Variants in ADGRD1 observed in about 807,000 individuals in gnomAD.
ADGRD1 encodes adhesion G protein-coupled receptor D1.
Under a neutral mutation model 113.4 loss-of-function variants are expected in ADGRD1, and 77 were observed. That is an observed-to-expected ratio of 0.68 (90% CI 0.57 to 0.82). ADGRD1 has a LOEUF of 0.82. Among genes scored for constraint, ADGRD1 ranks in the 40% least tolerant of loss-of-function variants. The pLI is 0.00. For missense variants in ADGRD1, 1,036 were observed against 1,139.1 expected (o/e 0.91, Z 1.30); for synonymous variants, 474 against 475.0 (o/e 1.00, Z 0.03).
At chr12:131,059,442 A>G (rs997261695) in intron 13 of ADGRD1, among the ~76,000 whole-genome samples, 6 of 152,222 alleles carry the variant, frequency 3.9e-5, no homozygotes, top group Admixed American at 2.6e-4. Flanking sequence ...CGGCCTCCCA[A>G]ATTGCTGGGA....
chr12:131,045,196 C>T (rs921681336), intron 13 of ADGRD1, among the ~76,000 whole-genome samples: 7 of 152,358 alleles, frequency 4.6e-5, no homozygotes, highest in East Asian at 3.9e-4. Context: ...GCCTGGCCCT[C>T]GTCCCCCAGT....
At chr12:131,122,851 G>A (rs919560889) in intron 20 of ADGRD1, among the ~76,000 whole-genome samples, 5 of 152,078 alleles carry the variant, frequency 3.3e-5, no homozygotes, top group African/African-American at 9.7e-5. Context: ...CCCACACGGC[G>A]TGGGGCCGAG....
intron 13 of ADGRD1, among the ~76,000 whole-genome samples, chr12:131,043,660 G>A (rs1190616748): frequency 3.9e-5 from 6 of 152,230 alleles, no homozygotes; most frequent in Admixed American, 2.0e-4. Flanking sequence ...CTCGGGTCCC[G>A]GGATGGAGGG....
chr12:130,963,744 A>C (rs1240864660), intron 2 of ADGRD1, among the ~76,000 whole-genome samples: 1 of 151,794 alleles, frequency 6.6e-6, no homozygotes, highest in African/African-American at 2.4e-5. Context: ...AAAATTCTAC[A>C]ACAAACAAGC....
chr12:131,045,933 T>TCCCG lies in ADGRD1; in HGVS notation c.1474-30864_1474-30861dup, dbSNP rs1159997460. Among the ~76,000 whole-genome samples, 4 of 151,774 alleles carry TCCCG rather than the reference T, an allele frequency of 2.6e-5. No individual in the cohort carries two copies. In the South Asian group the frequency reaches 6.2e-4, roughly 24 times the overall value. On this transcript the variant is annotated intron_variant, in intron 13 of 24. Transcript: ENST00000261654. ...TTGTCCATATCCTTCCTGGTGGTGC[T>TCCCG]CCCGCCCTGGTTGGTGCTCCCTCCC...
intron 22 of ADGRD1, 105 bp from the exon 23 acceptor site, chr12:131,136,868 G>C (rs1181675138): frequency 2.2e-6 from 2 of 908,206 alleles, no homozygotes; most frequent in Non-Finnish European, 3.7e-6. Flanking sequence ...TGGTGTCACA[G>C]TGTGCGGTGC....
chr12:131,010,642 C>T (rs1877753102), intron 12 of ADGRD1, among the ~76,000 whole-genome samples: 1 of 152,200 alleles, frequency 6.6e-6, no homozygotes, highest in South Asian at 2.1e-4. Context: ...CTCAGATGTG[C>T]TGCGTGGGGT....
intron 22 of ADGRD1, among the ~76,000 whole-genome samples, chr12:131,136,476 C>T (rs924418953): frequency 1.8e-4 from 28 of 152,196 alleles, no homozygotes; most frequent in Admixed American, 7.8e-4. Context: ...GTGGCCAGGG[C>T]GGTCCCCCAG....
chr12:131,134,228 G>A lies in ADGRD1; in HGVS notation c.2268-1809G>A, dbSNP rs1233410906. On this transcript the variant is annotated intron_variant, in intron 21 of 24. Transcript: ENST00000261654. ...GGAGACTCAGGGCCTGAGCCCCCTA[G>A]GCCAGGGCCAACCTTGGGGGAGCAG... 2.0e-5 allele frequency among the ~76,000 whole-genome samples: 3 copies of A among 152,220 alleles called. No homozygotes were observed. The South Asian group carries it at 6.2e-4, about 32-fold the overall frequency.
At position 131,014,332 on chromosome 12, in the gene ADGRD1, C is replaced by G. The variant is rs1014643492; in HGVS notation, c.1465C>G (p.His489Asp). Residue 489 changes from histidine to aspartate, a missense_variant, in exon 13 of 25, where the codon CAC becomes GAC. Coordinates refer to ENST00000261654, the MANE Select transcript of ADGRD1 (RefSeq NM_198827.5). ...GSPLITVHLKHRLTRKQHSEA... is the reference protein window; with the variant it reads ...GSPLITVHLKDRLTRKQHSEA... Reference sequence around the variant, plus strand: ...TCCACTCATTACGGTCCACCTCAAGCACAGATTGGTGAGTGGCGGTGCCTT... The same window carrying G: ...TCCACTCATTACGGTCCACCTCAAGGACAGATTGGTGAGTGGCGGTGCCTT... The G allele has an allele frequency of 6.2e-7, 1 of 1,612,808 alleles. No homozygotes were observed. Among genetic ancestry groups the G allele is most frequent in the Non-Finnish European group, 8.5e-7 (1 of 1,179,284 alleles).
intron 4 of ADGRD1, among the ~76,000 whole-genome samples, chr12:130,972,467 A>C (rs1281288388): frequency 6.6e-6 from 1 of 152,170 alleles, no homozygotes; most frequent in Non-Finnish European, 1.5e-5. Flanking sequence ...AGGCAAAAAC[A>C]TGTGGGAGGA....
chr12:131,023,890 C>A (rs1489280436), intron 13 of ADGRD1: 1 of 152,162 alleles, frequency 6.6e-6, no homozygotes, highest in Non-Finnish European at 1.5e-5. Context: ...TGTTGAGGGG[C>A]AATGAAGTGA....
chr12:131,087,139 C>T (rs1886523180), intron 15 of ADGRD1, among the ~76,000 whole-genome samples: 1 of 152,204 alleles, frequency 6.6e-6, no homozygotes, highest in Non-Finnish European at 1.5e-5. Context: ...CTCCTGGCTT[C>T]AAGCAATCCT....
In ADGRD1 at chr12:131,135,342, G is replaced by A. The variant is rs77572669; in HGVS notation, c.2268-695G>A. ...CTCTCCTGTGTCAAGAGGGCCCATG[G>A]GCTCTAGGGAGATAAAAACGCATGC... On this transcript the variant is annotated intron_variant, in intron 21 of 24. Coordinates refer to ENST00000261654, the MANE Select transcript of ADGRD1 (RefSeq NM_198827.5). 5.3e-3 allele frequency among the ~76,000 whole-genome samples: 803 copies of A among 152,320 alleles called. 5 individuals are homozygous for A. The highest frequency in any genetic ancestry group is 0.019 in the African/African-American group (769 of 41,560).
intron 15 of ADGRD1, among the ~76,000 whole-genome samples, chr12:131,104,601 T>A (rs761725716): frequency 1.3e-5 from 2 of 151,936 alleles, no homozygotes; most frequent in African/African-American, 2.4e-5. Context: ...AGCCTCAGTG[T>A]TCTGTAGGGC....
At chr12:131,137,464 G>C (rs1001148462) in intron 23 of ADGRD1, among the ~76,000 whole-genome samples, 4 of 152,238 alleles carry the variant, frequency 2.6e-5, no homozygotes, top group South Asian at 2.1e-4. Flanking sequence ...GTACTTGGCT[G>C]GGGGGAGGTA....
In ADGRD1 at chr12:131,120,859, G is replaced by C; in HGVS notation, c.2121G>C (p.Ser707=). 3 of 1,614,240 alleles carry C rather than the reference G, an allele frequency of 1.9e-6. No homozygotes were observed. Among genetic ancestry groups the C allele is most frequent in the Non-Finnish European group, 2.5e-6 (3 of 1,180,038 alleles). The change falls in exon 20 of 25, where the codon TCG becomes TCC. Residue 707 remains serine, a synonymous_variant. Coordinates refer to ENST00000261654, the MANE Select transcript of ADGRD1 (RefSeq NM_198827.5). ...CTTCCCTCCGCAGTTGCTGGCTGTCGTTGGCGAGTGGCGCCATCTGGGCCT... is the reference window on the plus strand; with the variant it reads ...CTTCCCTCCGCAGTTGCTGGCTGTCCTTGGCGAGTGGCGCCATCTGGGCCT... ...SYGTSNNCWL[S]LASGAIWAFV...
At chr12:130,969,299 C>T in intron 3 of ADGRD1, 2 of 495,650 alleles carry the variant, frequency 4.0e-6, no homozygotes, top group South Asian at 4.6e-5. Flanking sequence ...CCCTGGGCCA[C>T]AGACTGGCAG....
intron 6 of ADGRD1, chr12:130,988,337 A>T (rs1248186290): frequency 1.3e-5 from 2 of 152,166 alleles, no homozygotes; most frequent in Non-Finnish European, 1.5e-5. Flanking sequence ...TTATTTCCAC[A>T]TAAAATAATC....
Sources: allele counts gnomAD v4.1 joint callset (sites outside exome capture counted in the v4.1 genomes callset), GRCh38; gene constraint gnomAD v4.1.1; transcripts MANE v1.5; gene names NCBI Gene and HGNC (gene_info 2026-07-23, HGNC 2026-07-21).